Variants in NAALAD2 observed in about 807,000 individuals in gnomAD.
NAALAD2 encodes N-acetylated-alpha-linked acidic dipeptidase 2.
Under a neutral mutation model 95.6 loss-of-function variants are expected in NAALAD2, and 89 were observed. The observed-to-expected ratio is 0.93, with a 90% confidence interval of 0.78 to 1.11. The LOEUF (loss-of-function observed/expected upper bound fraction) is 1.11. NAALAD2 is among the 50% of genes least tolerant of loss of function. The pLI, the probability that NAALAD2 is intolerant of heterozygous loss-of-function variation, is 0.00. For missense variants in NAALAD2, 894 were observed against 872.4 expected (o/e 1.02, Z -0.31); for synonymous variants, 264 against 294.4 (o/e 0.90, Z 1.06).
chr11:90,134,951 G>GC, intron 1 of NAALAD2, 111 bp downstream of exon 1: 5 of 1,205,192 alleles, frequency 4.1e-6, no homozygotes, highest in African/African-American at 1.5e-5. Context: ...GCCCTGGCCG[G>GC]CTGGGCTAGA....
rs370829182 is a variant in NAALAD2, at chr11:90,135,653, C to T, written c.177C>T (p.Asn59=). ...WKLVSEMKAE[N]IKSFLRSFTK... ...TGGTATCCGAAATGAAAGCTGAAAA[C>T]ATCAAATCATTTCTTCGGTAAGTTT... Residue 59 remains asparagine, a synonymous_variant, in exon 2 of 19, where the codon AAC becomes AAT. Coordinates refer to ENST00000534061, the MANE Select transcript of NAALAD2 (RefSeq NM_005467.4). 1 of 1,611,618 alleles carries T rather than the reference C, an allele frequency of 6.2e-7. No individual in the cohort carries two copies. Among genetic ancestry groups the T allele is most frequent in the Non-Finnish European group, 8.5e-7 (1 of 1,178,514 alleles).
chr11:90,147,753 TA>T (rs1182019764), intron 3 of NAALAD2, among the ~76,000 whole-genome samples: 4 of 152,164 alleles, frequency 2.6e-5, no homozygotes, highest in Non-Finnish European at 5.9e-5. Context: ...TGGTAAGTGC[TA>T]TGAAGATTAT....
chr11:90,160,142 A>T (rs948887893), intron 8 of NAALAD2, among the ~76,000 whole-genome samples: 6 of 152,140 alleles, frequency 3.9e-5, no homozygotes, highest in Non-Finnish European at 2.9e-5. Flanking sequence ...TTATTAATAC[A>T]TGATAATACT....
chr11:90,174,285 C>T (rs1006045786), intron 14 of NAALAD2, among the ~76,000 whole-genome samples: 1 of 151,344 alleles, frequency 6.6e-6, no homozygotes, highest in Non-Finnish European at 1.5e-5. Flanking sequence ...GAGCCGAGAT[C>T]GTGCCATTGC....
chr11:90,159,378 T>A (rs920947833), intron 8 of NAALAD2, 41 bp downstream of exon 8: 1 of 1,406,250 alleles, frequency 7.1e-7, no homozygotes, highest in African/African-American at 1.4e-5. Flanking sequence ...AAGTTTTATA[T>A]TTTTAATGGA....
intron 2 of NAALAD2, among the ~76,000 whole-genome samples, chr11:90,138,725 C>CTTTTTTTTTTT (rs562496549): frequency 3.3e-5 from 2 of 61,528 alleles, no homozygotes; most frequent in African/African-American, 5.6e-5. Flanking sequence ...CATCCCTCAA[C>CTTTTTTTTTTT]TTTTTTTTTT....
chr11:90,161,533 T>C (rs1404259413), intron 8 of NAALAD2, among the ~76,000 whole-genome samples: 2 of 152,184 alleles, frequency 1.3e-5, no homozygotes, highest in Admixed American at 1.3e-4. Flanking sequence ...CTCCTCCCTG[T>C]GGAGCCTGCA....
rs768553092 is a variant in NAALAD2, at chr11:90,178,072, T to C, written c.1813T>C (p.Ser605Pro). ...CTATGCAGCAAGTATCTATAATCTA[T>C]CTAAGAAACATGATCAACAATTGAC... Reference protein sequence around the residue: ...KNYAASIYNLSKKHDQQLTDH... With the variant: ...KNYAASIYNLPKKHDQQLTDH... Residue 605 changes from serine (S) to proline (P), a missense_variant, in exon 16 of 19, where the codon TCT becomes CCT. By Grantham distance (74) the Ser-to-Pro change is moderately conservative (BLOSUM62 -1). Transcript: ENST00000534061. 6.2e-7 allele frequency: 1 copy of C among 1,613,206 alleles called. No homozygotes were observed. Among genetic ancestry groups the C allele is most frequent in the Non-Finnish European group, 8.5e-7 (1 of 1,179,796 alleles).
chr11:90,150,742 G>A, intron 5 of NAALAD2, 135 bp downstream of exon 5: 1 of 646,560 alleles, frequency 1.5e-6, no homozygotes. Context: ...TTTGCCATGG[G>A]TACACGGAAA....
chr11:90,152,352 G>T lies in NAALAD2; in HGVS notation c.664G>T (p.Ala222Ser). 6.2e-7 allele frequency: 1 copy of T among 1,613,438 alleles called. No homozygotes were observed. The highest frequency in any genetic ancestry group is 8.5e-7 in the Non-Finnish European group (1 of 1,179,496). The part of the protein sequence containing the change: ...AIGIILYSDP[A>S]DYFAPEVQPY... ...AGGAATCATCTTGTACTCAGATCCA[G>T]CTGACTACTTTGCTCCTGAGGTACA... The change falls in exon 6 of 19, where the codon GCT becomes TCT. Residue 222 changes from alanine (A) to serine (S), a missense_variant. By Grantham distance (99) the Ala-to-Ser change is moderately conservative. Coordinates refer to ENST00000534061, the MANE Select transcript of NAALAD2 (RefSeq NM_005467.4).
chr11:90,140,880 T>A, intron 2 of NAALAD2, among the ~76,000 whole-genome samples: 1 of 152,134 alleles, frequency 6.6e-6, no homozygotes, highest in East Asian at 1.9e-4. Flanking sequence ...TTGAGTTATT[T>A]TGTGCATAAA....
At chr11:90,139,226 C>A (rs79940262) in intron 2 of NAALAD2, among the ~76,000 whole-genome samples, 6,134 of 152,016 alleles carry the variant, frequency 0.04, 411 homozygotes, top group African/African-American at 0.14. Context: ...GTTGTCCAGG[C>A]CTTCTTGTTG....
chr11:90,186,125 C>T (rs1381319363), intron 18 of NAALAD2, among the ~76,000 whole-genome samples: 1 of 151,960 alleles, frequency 6.6e-6, no homozygotes, highest in African/African-American at 2.4e-5. Flanking sequence ...GCGCTGCACC[C>T]ACTAACTCGT....
At chr11:90,182,673 G>T (rs557548392) in intron 17 of NAALAD2, among the ~76,000 whole-genome samples, 1 of 152,172 alleles carries the variant, frequency 6.6e-6, no homozygotes, top group African/African-American at 2.4e-5. Flanking sequence ...TTTGATTGGT[G>T]TGTGATGTAA....
intron 16 of NAALAD2, among the ~76,000 whole-genome samples, chr11:90,178,932 A>T (rs1952885501): frequency 6.6e-6 from 1 of 152,216 alleles, no homozygotes; most frequent in African/African-American, 2.4e-5. Flanking sequence ...AGGATGACTC[A>T]TAATGCAGTG....
At chr11:90,173,957 A>T (rs778909662) in intron 14 of NAALAD2, 42 bp downstream of exon 14, 2 of 1,264,386 alleles carry the variant, frequency 1.6e-6, no homozygotes, top group South Asian at 1.2e-5. Flanking sequence ...AGGATAAGTT[A>T]TGAATTCCCC....
chr11:90,137,247 A>C (rs905049867), intron 2 of NAALAD2, among the ~76,000 whole-genome samples: 2 of 152,104 alleles, frequency 1.3e-5, no homozygotes, highest in Admixed American at 6.6e-5. Flanking sequence ...GGGTTGGTTC[A>C]ATGGGTACAA....
In NAALAD2 at chr11:90,169,495, G is replaced by A. The variant is rs553772464; in HGVS notation, c.1342+503G>A. ...AGCCCAGGAGTGTAAGCCATAGAGA[G>A]ACCCTGACTCTCAAAAAAAAAAAAA... On this transcript the variant is annotated intron_variant, in intron 12 of 18. Transcript: ENST00000534061. 4.0e-5 allele frequency: 6 copies of A among 148,764 alleles called. No homozygotes were observed. In the Admixed American group the frequency reaches 4.0e-4, roughly 10 times the overall value. The allele number at this position is 148,764 out of a possible 1,614,324, so 9.2% of individuals were successfully genotyped here. A position where few individuals can be genotyped will look rare whatever the true frequency, so the allele number is the denominator to read the frequency against.
rs540524350 is a variant in NAALAD2, at chr11:90,187,022, A to G, written c.2033+4014A>G. Reference sequence around the variant, plus strand: ...CAAAAAGTGGGCGAAGGACATGAACAGACACTTCTCAAAAGAAGACATTTA... The same window carrying G: ...CAAAAAGTGGGCGAAGGACATGAACGGACACTTCTCAAAAGAAGACATTTA... On this transcript the variant is annotated intron_variant, in intron 18 of 18. Coordinates refer to ENST00000534061, the MANE Select transcript of NAALAD2 (RefSeq NM_005467.4). Among the ~76,000 whole-genome samples the G allele has an allele frequency of 3.0e-4, 45 of 152,074 alleles. 1 individual carries two copies. Among genetic ancestry groups the G allele is most frequent in the African/African-American group, 1.0e-3 (43 of 41,442 alleles).
Sources: gnomAD v4.1 joint callset for allele counts (sites outside exome capture counted in the v4.1 genomes callset) on GRCh38, gnomAD v4.1.1 for gene constraint, MANE v1.5 for transcripts, NCBI Gene and HGNC (gene_info 2026-07-23, HGNC 2026-07-21) for gene names.